FHOD3: variants seen among roughly 807,000 people sequenced by gnomAD.
The protein encoded by FHOD3 is FH1/FH2 domain-containing protein 3.
A neutral mutation model predicts 173.0 loss-of-function variants in FHOD3; 90 were observed. The observed-to-expected ratio is 0.52, with a 90% CI of 0.44 to 0.62. The LOEUF (loss-of-function observed/expected upper bound fraction) is 0.62. Among genes scored for constraint, FHOD3 ranks in the 20% least tolerant of loss-of-function variants. FHOD3 has a pLI of 0.00. For missense variants in FHOD3, 1,945 were observed against 2,034.7 expected (o/e 0.96, Z 0.85); for synonymous variants, 828 against 823.0 (o/e 1.01, Z -0.10).
Position 36,380,435 on chromosome 18 carries a change from TCCTC to T in FHOD3, c.337+7708_337+7711del, listed in dbSNP as rs143577697. Among the ~76,000 whole-genome samples, 1,271 of 150,122 alleles carry T rather than the reference TCCTC, an allele frequency of 8.5e-3. 15 individuals carry two copies. Among genetic ancestry groups the T allele is most frequent in the African/African-American group, 0.027 (1,114 of 40,852 alleles). On this transcript the variant is annotated intron_variant, in intron 3 of 28. Transcript: ENST00000590592. Reference sequence around the variant, plus strand: ...TGGTCAATACTTCGGTCATCTCCCTTCCTCCCTCCCTCCCTCCCTCACTCCCTTC... The same window carrying T: ...TGGTCAATACTTCGGTCATCTCCCTTCCTCCCTCCCTCCCTCACTCCCTTC...
chr18:36,531,570 A>G (rs1255689411), intron 5 of FHOD3, among the ~76,000 whole-genome samples: 1 of 152,188 alleles, frequency 6.6e-6, no homozygotes, highest in Non-Finnish European at 1.5e-5. Flanking sequence ...GAGGGACAGA[A>G]TGCCTCTGGG....
chr18:36,693,240 G>A lies in FHOD3; in HGVS notation c.2053G>A (p.Glu685Lys), dbSNP rs2039068223. 1 of 1,613,678 alleles carries A rather than the reference G, an allele frequency of 6.2e-7. No individual in the cohort carries two copies. The highest frequency in any genetic ancestry group is 1.1e-5 in the South Asian group (1 of 91,004). Residue 685 changes from glutamate to lysine, a missense_variant, in exon 17 of 29, where the codon GAG becomes AAG. This residue lies in a region of FHOD3 where 1,099 missense variants were observed against 1,051.2 expected (regional missense o/e 1.05). Transcript: ENST00000590592. Reference protein sequence around the residue: ...YKYLEQLAAEEHEKELRSRSV... With the variant: ...YKYLEQLAAEKHEKELRSRSV... ...ATACTTGGAACAGTTGGCAGCTGAG[G>A]AGCACGAGAAGGAGCTGAGAAGCCG... is the stretch of plus-strand genomic sequence containing the variant.
chr18:36,470,919 G>T (rs925389594), intron 3 of FHOD3, among the ~76,000 whole-genome samples: 6 of 152,210 alleles, frequency 3.9e-5, no homozygotes, highest in African/African-American at 1.4e-4. Context: ...GGTGCCTTCC[G>T]TGGGGTCTTT....
intron 5 of FHOD3, among the ~76,000 whole-genome samples, chr18:36,558,906 A>G (rs2057990363): frequency 6.6e-6 from 1 of 152,196 alleles, no homozygotes; most frequent in Non-Finnish European, 1.5e-5. Context: ...GCTGAGTTGC[A>G]GTGCTTCCCG....
chr18:36,634,873 T>G (rs907055420), intron 10 of FHOD3, among the ~76,000 whole-genome samples: 1 of 152,218 alleles, frequency 6.6e-6, no homozygotes, highest in Non-Finnish European at 1.5e-5. Context: ...AGAAAATATT[T>G]TGTGCACCCG....
chr18:36,355,781 G>A (rs1296694691), intron 2 of FHOD3, 136 bp downstream of exon 2: 3 of 706,082 alleles, frequency 4.2e-6, no homozygotes, highest in Non-Finnish European at 7.1e-6. Context: ...CGAGGGAGAT[G>A]CAAGTGACTC....
chr18:36,447,791 C>T (rs954237962), intron 3 of FHOD3, among the ~76,000 whole-genome samples: 5 of 152,192 alleles, frequency 3.3e-5, no homozygotes, highest in Non-Finnish European at 5.9e-5. Context: ...TAATTGTTAA[C>T]ATTAATAGTG....
chr18:36,380,566 T>TCCTTTCCTTTCCTTTC (rs768530356), intron 3 of FHOD3, among the ~76,000 whole-genome samples: 11 of 114,370 alleles, frequency 9.6e-5, no homozygotes, highest in African/African-American at 3.5e-4. Flanking sequence ...TCTTTTCTTT[T>TCCTTTCCTTTCCTTTC]CTTTTCTTTT....
At chr18:36,440,886 A>G (rs1442788991) in intron 3 of FHOD3, among the ~76,000 whole-genome samples, 1 of 152,000 alleles carries the variant, frequency 6.6e-6, no homozygotes, top group African/African-American at 2.4e-5. Context: ...TGTATTTTAA[A>G]TGGTGGGGCT....
chr18:36,379,697 T>G (rs1159168137), intron 3 of FHOD3, among the ~76,000 whole-genome samples: 1 of 152,208 alleles, frequency 6.6e-6, no homozygotes, highest in Non-Finnish European at 1.5e-5. Flanking sequence ...GAAAACAACT[T>G]CTGATAGGGA....
intron 16 of FHOD3, among the ~76,000 whole-genome samples, chr18:36,690,586 TGTAACACC>T (rs2038901137): frequency 6.6e-6 from 1 of 152,114 alleles, no homozygotes; most frequent in Non-Finnish European, 1.5e-5. Flanking sequence ...GTCGCTAAGC[TGTAACACC>T]GTAAATGCCT....
chr18:36,736,144 T>C (rs1181072703), intron 20 of FHOD3, among the ~76,000 whole-genome samples: 1 of 152,184 alleles, frequency 6.6e-6, no homozygotes, highest in Non-Finnish European at 1.5e-5. Context: ...GGTGAGTGAG[T>C]GCAGGAGCTG....
intron 11 of FHOD3, among the ~76,000 whole-genome samples, chr18:36,651,698 G>C (rs1052515090): frequency 2.6e-5 from 4 of 151,746 alleles, no homozygotes; most frequent in African/African-American, 4.8e-5. Context: ...GTTGCCGTGA[G>C]CCAAGATCAC....
intron 9 of FHOD3, among the ~76,000 whole-genome samples, chr18:36,624,420 G>T (rs903735): frequency 6.6e-6 from 1 of 152,184 alleles, no homozygotes; most frequent in African/African-American, 2.4e-5. Context: ...TATTCTTTCT[G>T]CTGTCCAGTT....
intron 18 of FHOD3, among the ~76,000 whole-genome samples, chr18:36,717,053 C>T (rs970737814): frequency 6.6e-6 from 1 of 151,718 alleles, no homozygotes; most frequent in Non-Finnish European, 1.5e-5. Flanking sequence ...AGTGGGCAGT[C>T]GACCCCTGCT....
At chr18:36,298,031 T>G (rs756338130) in intron 1 of FHOD3, 31 bp downstream of exon 1, 1 of 1,472,660 alleles carries the variant, frequency 6.8e-7, no homozygotes, top group Non-Finnish European at 9.0e-7. Flanking sequence ...CTGGGCCCCC[T>G]GGACTCAGCC....
intron 24 of FHOD3, among the ~76,000 whole-genome samples, chr18:36,748,263 C>T (rs1325154580): frequency 6.6e-6 from 1 of 152,090 alleles, no homozygotes; most frequent in Admixed American, 6.5e-5. Flanking sequence ...GATATTTTGT[C>T]AGATTTCTTA....
intron 7 of FHOD3, among the ~76,000 whole-genome samples, chr18:36,597,909 G>A (rs776721293): frequency 6.6e-6 from 1 of 152,066 alleles, no homozygotes; most frequent in Non-Finnish European, 1.5e-5. Flanking sequence ...GGTCTTGGCT[G>A]TGATTTTATA....
chr18:36,603,255 A>T (rs1322353160), intron 8 of FHOD3, among the ~76,000 whole-genome samples: 1 of 152,136 alleles, frequency 6.6e-6, no homozygotes, highest in Non-Finnish European at 1.5e-5. Flanking sequence ...TTCCCTCTGA[A>T]TAAGAGCCAC....
Sources: allele counts gnomAD v4.1 joint callset (sites outside exome capture counted in the v4.1 genomes callset), GRCh38; gene constraint gnomAD v4.1.1; regional missense constraint gnomAD v4.1.1; transcripts MANE v1.5; gene names NCBI Gene and HGNC (gene_info 2026-07-23, HGNC 2026-07-21).